The following DCDC2C variants were observed in gnomAD, a reference collection of about 807,000 sequenced individuals.
DCDC2C encodes the protein doublecortin domain-containing protein 2C.
Under a neutral mutation model 45.0 loss-of-function variants are expected in DCDC2C, and 44 were observed. The ratio of observed to expected loss-of-function variants is 0.98; its 90% CI spans 0.77 to 1.26. DCDC2C has a LOEUF of 1.26. Ranked by LOEUF, DCDC2C falls within the 50% of genes most tolerant of loss-of-function variation. DCDC2C has a pLI of 0.00. For missense variants in DCDC2C, 447 were observed against 468.9 expected, an observed-to-expected ratio of 0.95 and a Z score of 0.43; for synonymous variants, 187 against 178.8, an observed-to-expected ratio of 1.05 and a Z score of -0.37.
chr2:3,704,387 A>G (rs1293994590), intron 1 of DCDC2C, among the ~76,000 whole-genome samples: 1 of 45,704 alleles, frequency 2.2e-5, no homozygotes, highest in African/African-American at 9.6e-5. Context: ...GGGTGTGGAG[A>G]GGGGCGTGGG....
chr2:3,756,674 C>T lies in DCDC2C; in HGVS notation c.726+2040C>T, dbSNP rs562904563. 6.6e-4 allele frequency among the ~76,000 whole-genome samples: 101 copies of T among 152,350 alleles called. 1 individual carries two copies. Among genetic ancestry groups the T allele is most frequent in the African/African-American group, 2.2e-3 (92 of 41,582 alleles). On this transcript the variant is annotated intron_variant, in intron 6 of 10. Coordinates refer to ENST00000399143, the MANE Select transcript of DCDC2C (RefSeq NM_001287444.2). ...TCATGCCGAGTTCACGGCCACGGTCCTTATCCAACTTCATTCACTGATTAA... is the reference window on the plus strand; with the variant it reads ...TCATGCCGAGTTCACGGCCACGGTCTTTATCCAACTTCATTCACTGATTAA...
intron 2 of DCDC2C, among the ~76,000 whole-genome samples, chr2:3,711,096 T>G (rs1483152173): frequency 2.0e-5 from 3 of 152,232 alleles, no homozygotes; most frequent in Non-Finnish European, 4.4e-5. Context: ...GTTTTTTGAC[T>G]TTTTCAAAAT....
At chr2:3,782,770 C>T (rs1417674933) in intron 9 of DCDC2C, among the ~76,000 whole-genome samples, 1 of 152,200 alleles carries the variant, frequency 6.6e-6, no homozygotes, top group Non-Finnish European at 1.5e-5. Flanking sequence ...TGAGCCACCG[C>T]ACCTGGCCTT....
chr2:3,828,882 G>A (rs1671888156), intron 10 of DCDC2C, among the ~76,000 whole-genome samples: 1 of 152,178 alleles, frequency 6.6e-6, no homozygotes, highest in African/African-American at 2.4e-5. Context: ...TTTAATTCAA[G>A]GCAGTAGTAA....
intron 10 of DCDC2C, among the ~76,000 whole-genome samples, chr2:3,791,958 T>G (rs1307846387): frequency 6.6e-6 from 1 of 151,608 alleles, no homozygotes; most frequent in Non-Finnish European, 1.5e-5. Flanking sequence ...ACCCAATTCC[T>G]CAGTAGCCTT....
At chr2:3,833,974 T>C (rs1246695961) in intron 10 of DCDC2C, among the ~76,000 whole-genome samples, 2 of 152,140 alleles carry the variant, frequency 1.3e-5, no homozygotes, top group African/African-American at 4.8e-5. Flanking sequence ...TTTGAAAGAG[T>C]CTGATCTCTC....
intron 10 of DCDC2C, among the ~76,000 whole-genome samples, chr2:3,838,435 GT>G (rs1672132532): frequency 6.9e-6 from 1 of 144,546 alleles, no homozygotes. Flanking sequence ...AACTGTTGTG[GT>G]CCCCAAGGAT....
chr2:3,797,348 G>GT (rs200451097), intron 10 of DCDC2C, among the ~76,000 whole-genome samples: 100 of 150,958 alleles, frequency 6.6e-4, no homozygotes, highest in African/African-American at 2.4e-3. Context: ...TTTTTGAAGG[G>GT]TTTTTTGTGT....
chr2:3,822,589 T>C, intron 10 of DCDC2C, among the ~76,000 whole-genome samples: 1 of 137,346 alleles, frequency 7.3e-6, no homozygotes, highest in Non-Finnish European at 1.6e-5. Context: ...TTTCACTGAA[T>C]TTTCTCTAGT....
intron 6 of DCDC2C, among the ~76,000 whole-genome samples, chr2:3,759,958 G>T (rs1669833661): frequency 6.6e-6 from 1 of 152,240 alleles, no homozygotes; most frequent in Admixed American, 6.5e-5. Context: ...TGTTTTAAGA[G>T]CAGGCATCTG....
Position 3,839,238 on chromosome 2 carries a change from T to C in DCDC2C, c.1066-7916T>C, listed in dbSNP as rs182476314. ...ACAGAGAAATCAGTTGCCTAGGTAATAGTTACCAAATACAGAAATTAAATG... is the reference window on the plus strand; with the variant it reads ...ACAGAGAAATCAGTTGCCTAGGTAACAGTTACCAAATACAGAAATTAAATG... On this transcript the variant is annotated intron_variant, in intron 10 of 10. Coordinates refer to ENST00000399143, the MANE Select transcript of DCDC2C (RefSeq NM_001287444.2). Among the ~76,000 whole-genome samples, 4 of 152,308 alleles carry C rather than the reference T, an allele frequency of 2.6e-5. No individual in the cohort carries two copies. The East Asian group carries it at 7.7e-4, about 29-fold the overall frequency.
At chr2:3,739,195 A>G (rs193042319) in intron 3 of DCDC2C, among the ~76,000 whole-genome samples, 182 of 152,354 alleles carry the variant, frequency 1.2e-3, no homozygotes, top group African/African-American at 4.1e-3. Flanking sequence ...AGAATAAAAT[A>G]AAATTCTCCA....
intron 5 of DCDC2C, among the ~76,000 whole-genome samples, chr2:3,754,177 C>T (rs527466548): frequency 2.6e-5 from 4 of 152,290 alleles, no homozygotes; most frequent in Admixed American, 1.3e-4. Context: ...CACTCAGAGA[C>T]TGAAGTTCAT....
chr2:3,807,430 C>G (rs11686157), intron 10 of DCDC2C, among the ~76,000 whole-genome samples: 90,913 of 151,974 alleles, frequency 0.6, 27,798 homozygotes, highest in East Asian at 0.73. Context: ...GTTCTCTTCT[C>G]TTGGGAGTTT....
At chr2:3,738,694 A>G (rs987878259) in intron 3 of DCDC2C, among the ~76,000 whole-genome samples, 2 of 152,116 alleles carry the variant, frequency 1.3e-5, no homozygotes, top group African/African-American at 4.8e-5. Context: ...TGTGTACTGC[A>G]TGCACTGTTG....
intron 10 of DCDC2C, among the ~76,000 whole-genome samples, chr2:3,813,161 T>G (rs1671459255): frequency 6.6e-6 from 1 of 151,028 alleles, no homozygotes; most frequent in Admixed American, 6.6e-5. Flanking sequence ...AACCTCCACC[T>G]CTCGGGTTCA....
intron 10 of DCDC2C, among the ~76,000 whole-genome samples, chr2:3,841,892 ATGAG>A (rs1034924666): frequency 6.6e-6 from 1 of 151,934 alleles, no homozygotes; most frequent in African/African-American, 2.4e-5. Context: ...TTATGTGATG[ATGAG>A]TATCATATCA....
chr2:3,810,358 T>C (rs1216585989), intron 10 of DCDC2C, among the ~76,000 whole-genome samples: 4 of 152,254 alleles, frequency 2.6e-5, no homozygotes, highest in Non-Finnish European at 4.4e-5. Context: ...TGTTGAACTT[T>C]TTTCATGTAT....
At chr2:3,798,412 G>T (rs1234940153) in intron 10 of DCDC2C, among the ~76,000 whole-genome samples, 87 of 151,066 alleles carry the variant, frequency 5.8e-4, no homozygotes, top group African/African-American at 1.9e-3. Context: ...ATCCTGTCAT[G>T]ATGATGTTAG....
Sources: allele counts gnomAD v4.1 joint callset (sites outside exome capture counted in the v4.1 genomes callset), GRCh38; gene constraint gnomAD v4.1.1; transcripts MANE v1.5; gene names NCBI Gene and HGNC (gene_info 2026-07-23, HGNC 2026-07-21).